The following LHFPL3 variants were observed in gnomAD, a reference collection of about 807,000 sequenced individuals.
LHFPL3 encodes the protein LHFPL tetraspan subfamily member 3 protein.
In LHFPL3, 5 loss-of-function variants were observed where a neutral mutation model predicts 19.3. The observed-to-expected ratio is 0.26, with a 90% CI of 0.14 to 0.54. LHFPL3 has a LOEUF of 0.54. Among genes scored for constraint, LHFPL3 ranks in the 20% least tolerant of loss-of-function variants. The pLI is 0.94. For missense variants in LHFPL3, 249 were observed against 307.4 expected, an observed-to-expected ratio of 0.81 and a Z score of 1.42; for synonymous variants, 133 against 126.2, an observed-to-expected ratio of 1.05 and a Z score of -0.36.
chr7:104,636,703 CA>C (rs1397988757), intron 1 of LHFPL3, among the ~76,000 whole-genome samples: 1 of 152,148 alleles, frequency 6.6e-6, no homozygotes, highest in African/African-American at 2.4e-5. Context: ...CATGTTCCTG[CA>C]AACATGTTCC....
chr7:104,353,625 G>A (rs1790220269), intron 1 of LHFPL3, among the ~76,000 whole-genome samples: 1 of 152,234 alleles, frequency 6.6e-6, no homozygotes, highest in African/African-American at 2.4e-5. Context: ...CTGTTAACCT[G>A]AAGTTAAATA....
intron 1 of LHFPL3, among the ~76,000 whole-genome samples, chr7:104,370,104 A>G (rs1013927972): frequency 6.6e-6 from 1 of 152,214 alleles, no homozygotes; most frequent in African/African-American, 2.4e-5. Flanking sequence ...TGTAGGAAGC[A>G]GATAAAACCT....
intron 1 of LHFPL3, among the ~76,000 whole-genome samples, chr7:104,546,403 C>T (rs545249803): frequency 1.3e-5 from 2 of 152,286 alleles, no homozygotes; most frequent in South Asian, 4.1e-4. Flanking sequence ...TCCTTGCCAA[C>T]TATTTATTAA....
At chr7:104,835,201 A>G (rs1337189580) in intron 2 of LHFPL3, among the ~76,000 whole-genome samples, 1 of 151,908 alleles carries the variant, frequency 6.6e-6, no homozygotes, top group South Asian at 2.1e-4. Context: ...TGACTACCTG[A>G]TTGGTTTGCT....
At chr7:104,485,485 G>C (rs990977009) in intron 1 of LHFPL3, among the ~76,000 whole-genome samples, 2 of 150,324 alleles carry the variant, frequency 1.3e-5, no homozygotes, top group Non-Finnish European at 3.0e-5. Flanking sequence ...TGTAATTCTG[G>C]AATACTTTGT....
At chr7:104,372,997 C>CAAAA (rs58010609) in intron 1 of LHFPL3, among the ~76,000 whole-genome samples, 1 of 126,434 alleles carries the variant, frequency 7.9e-6, no homozygotes, top group Non-Finnish European at 1.6e-5. Context: ...AGCTTCTTTA[C>CAAAA]AAAAAAAAAA....
chr7:104,834,074 A>G (rs1791042519), intron 2 of LHFPL3, among the ~76,000 whole-genome samples: 1 of 150,556 alleles, frequency 6.6e-6, no homozygotes, highest in Admixed American at 6.6e-5. Flanking sequence ...AGACTAGGCC[A>G]GTCTCACCTT....
intron 1 of LHFPL3, among the ~76,000 whole-genome samples, chr7:104,428,594 C>T (rs1050878396): frequency 1.2e-4 from 18 of 152,268 alleles, no homozygotes; most frequent in Admixed American, 8.5e-4. Flanking sequence ...CAGTACAAAA[C>T]GTCTACCTCA....
At chr7:104,753,576 A>T (rs1159588586) in intron 2 of LHFPL3, among the ~76,000 whole-genome samples, 1 of 152,220 alleles carries the variant, frequency 6.6e-6, no homozygotes, top group Admixed American at 6.5e-5. Context: ...AATTGAAAAC[A>T]TCAAAATAGG....
At chr7:104,652,640 A>T (rs1792052625) in intron 1 of LHFPL3, among the ~76,000 whole-genome samples, 2 of 152,048 alleles carry the variant, frequency 1.3e-5, no homozygotes, top group Admixed American at 6.5e-5. Context: ...TTTTGTAGCG[A>T]TAGCACCCTG....
chr7:104,676,318 A>T (rs1189865576), intron 1 of LHFPL3, among the ~76,000 whole-genome samples: 2 of 152,240 alleles, frequency 1.3e-5, no homozygotes, highest in African/African-American at 4.8e-5. Flanking sequence ...CTTTAACAGT[A>T]ACACTAACAC....
chr7:104,415,526 G>A (rs1196987442), intron 1 of LHFPL3, among the ~76,000 whole-genome samples: 1 of 151,956 alleles, frequency 6.6e-6, no homozygotes, highest in Non-Finnish European at 1.5e-5. Context: ...AAATATGAAA[G>A]ACAATTGTGA....
chr7:104,329,571 C>G (rs183972721), intron 1 of LHFPL3, among the ~76,000 whole-genome samples: 2 of 152,174 alleles, frequency 1.3e-5, no homozygotes, highest in Admixed American at 6.5e-5. Context: ...GCCGGGGTTC[C>G]GTGCTGAGGG....
At chr7:104,350,494 G>A (rs917281011) in intron 1 of LHFPL3, among the ~76,000 whole-genome samples, 3 of 152,182 alleles carry the variant, frequency 2.0e-5, no homozygotes, top group African/African-American at 4.8e-5. Flanking sequence ...GATGGATAAA[G>A]GGCAAGACTG....
chr7:104,487,303 A>G (rs1793253984), intron 1 of LHFPL3, among the ~76,000 whole-genome samples: 1 of 152,250 alleles, frequency 6.6e-6, no homozygotes, highest in Non-Finnish European at 1.5e-5. Flanking sequence ...AAGGTGAGCT[A>G]TACATACAGT....
chr7:104,380,790 A>G (rs1475097174), intron 1 of LHFPL3, among the ~76,000 whole-genome samples: 1 of 152,196 alleles, frequency 6.6e-6, no homozygotes, highest in Admixed American at 6.5e-5. Context: ...TATGTCATTT[A>G]TATACAATAC....
At chr7:104,864,306 A>G (rs1352495273) in intron 2 of LHFPL3, among the ~76,000 whole-genome samples, 6 of 152,186 alleles carry the variant, frequency 3.9e-5, no homozygotes, top group Admixed American at 6.5e-5. Context: ...GAGCCAAAGC[A>G]GGGCGAGGCA....
intron 1 of LHFPL3, among the ~76,000 whole-genome samples, chr7:104,597,197 T>C (rs1790880869): frequency 6.6e-6 from 1 of 152,254 alleles, no homozygotes; most frequent in African/African-American, 2.4e-5. Flanking sequence ...TGTAGCATGT[T>C]AAGGCATTTC....
At chr7:104,727,890 T>C (rs967636581) in intron 1 of LHFPL3, among the ~76,000 whole-genome samples, 4 of 152,148 alleles carry the variant, frequency 2.6e-5, no homozygotes, top group African/African-American at 9.7e-5. Context: ...AGATTTTGGC[T>C]TGATGATCTA....
Sources: gnomAD v4.1 joint callset for allele counts (sites outside exome capture counted in the v4.1 genomes callset) on GRCh38, gnomAD v4.1.1 for gene constraint, MANE v1.5 for transcripts, NCBI Gene and HGNC (gene_info 2026-07-23, HGNC 2026-07-21) for gene names.